SLC9A9: variants seen among roughly 807,000 people sequenced by gnomAD.
SLC9A9 encodes the protein solute carrier family 9 member A9, also known as sodium/hydrogen exchanger 9.
SLC9A9 carries 62 observed loss-of-function variants against 77.8 expected under a neutral mutation model. That is an observed-to-expected ratio of 0.80 (90% CI 0.65 to 0.98). The LOEUF (loss-of-function observed/expected upper bound fraction) is 0.98, where lower values mean the gene tolerates loss of function less well. SLC9A9 is among the 50% of genes least tolerant of loss of function. The probability of loss-of-function intolerance (pLI) is 0.00; values close to 1 mark genes in which losing one functional copy is unlikely to be tolerated. For missense variants in SLC9A9, 775 were observed against 774.9 expected (o/e 1.00, Z 0.00); for synonymous variants, 320 against 283.5 (o/e 1.13, Z -1.29).
At chr3:143,676,660 C>T (rs1367665824) in intron 5 of SLC9A9, among the ~76,000 whole-genome samples, 1 of 152,048 alleles carries the variant, frequency 6.6e-6, no homozygotes, top group Non-Finnish European at 1.5e-5. Context: ...TCGCTTGAAC[C>T]CAGGAGGCGG....
chr3:143,838,886 T>C (rs552667870), intron 1 of SLC9A9, among the ~76,000 whole-genome samples: 1 of 152,336 alleles, frequency 6.6e-6, no homozygotes, highest in Non-Finnish European at 1.5e-5. Context: ...AAAGATCAGA[T>C]TTTAACTGCA....
chr3:143,845,565 A>G (rs1185254629), intron 1 of SLC9A9, among the ~76,000 whole-genome samples: 1 of 152,196 alleles, frequency 6.6e-6, no homozygotes, highest in African/African-American at 2.4e-5. Context: ...AGACATGCAG[A>G]TGAGTGAAAG....
chr3:143,393,690 T>C (rs1349788920), intron 12 of SLC9A9, among the ~76,000 whole-genome samples: 1 of 151,314 alleles, frequency 6.6e-6, no homozygotes, highest in East Asian at 1.9e-4. Context: ...TCAACAAAAT[T>C]GATAGACCGC....
At chr3:143,455,016 C>G (rs991591330) in intron 12 of SLC9A9, among the ~76,000 whole-genome samples, 6 of 152,178 alleles carry the variant, frequency 3.9e-5, no homozygotes, top group Non-Finnish European at 8.8e-5. Context: ...ATTTCAAAGT[C>G]TACTGTGTCA....
intron 8 of SLC9A9, among the ~76,000 whole-genome samples, chr3:143,560,807 A>G (rs1461710312): frequency 6.6e-6 from 1 of 152,178 alleles, no homozygotes; most frequent in Admixed American, 6.6e-5. Flanking sequence ...CCACAATGTT[A>G]TAAGACTGAA....
At chr3:143,401,174 G>A (rs1379759184) in intron 12 of SLC9A9, among the ~76,000 whole-genome samples, 2 of 152,138 alleles carry the variant, frequency 1.3e-5, no homozygotes, top group African/African-American at 2.4e-5. Context: ...AGAGAGGAGA[G>A]TGAGACAGGG....
At position 143,585,240 on chromosome 3, in the gene SLC9A9, G is replaced by A. The variant is rs114751313; in HGVS notation, c.756-6517C>T. The stretch of plus-strand genomic sequence containing the variant: ...CTCAGGAGGTGAAAGGAAATTCCTT[G>A]TGGACAAAGGACAGACAGAACTCAA... On this transcript the variant is annotated intron_variant, in intron 6 of 15. Transcript: ENST00000316549. Among the ~76,000 whole-genome samples, 976 of 152,300 alleles carry A rather than the reference G, an allele frequency of 6.4e-3. 5 individuals are homozygous for A. The highest frequency in any genetic ancestry group is 0.023 in the African/African-American group (951 of 41,570).
chr3:143,380,950 A>T (rs1439441091), intron 13 of SLC9A9, among the ~76,000 whole-genome samples: 1 of 152,222 alleles, frequency 6.6e-6, no homozygotes, highest in Non-Finnish European at 1.5e-5. Context: ...CTCATAACAC[A>T]ATTCATTAAG....
At chr3:143,464,953 T>G (rs2108567569) in intron 12 of SLC9A9, among the ~76,000 whole-genome samples, 1 of 152,332 alleles carries the variant, frequency 6.6e-6, no homozygotes, top group South Asian at 2.1e-4. Context: ...TCTCTTTGGG[T>G]TTCTGCCCTG....
At chr3:143,777,163 G>A (rs927457642) in intron 4 of SLC9A9, among the ~76,000 whole-genome samples, 8 of 152,042 alleles carry the variant, frequency 5.3e-5, no homozygotes, top group South Asian at 4.1e-4. Flanking sequence ...ATGAAACCCC[G>A]TTTTACTGGG....
intron 5 of SLC9A9, chr3:143,655,468 A>G (rs2038873131): frequency 1.0e-6 from 1 of 985,268 alleles, no homozygotes; most frequent in East Asian, 1.1e-4. Flanking sequence ...TTATCAGACA[A>G]TTTGGTCATT....
intron 6 of SLC9A9, among the ~76,000 whole-genome samples, chr3:143,639,181 C>T (rs765149632): frequency 1.3e-5 from 2 of 152,196 alleles, no homozygotes; most frequent in Non-Finnish European, 2.9e-5. Context: ...TACCCTCCAC[C>T]CCCTGAAGTG....
At chr3:143,685,505 T>C (rs542206584) in intron 5 of SLC9A9, among the ~76,000 whole-genome samples, 1 of 152,308 alleles carries the variant, frequency 6.6e-6, no homozygotes, top group East Asian at 1.9e-4. Flanking sequence ...TTAATACTTC[T>C]GGAGCTCAAA....
chr3:143,738,515 T>A (rs922558073), intron 4 of SLC9A9, among the ~76,000 whole-genome samples: 1 of 152,212 alleles, frequency 6.6e-6, no homozygotes, highest in Non-Finnish European at 1.5e-5. Context: ...ATAATATTAT[T>A]CCTGGGCTGT....
intron 12 of SLC9A9, among the ~76,000 whole-genome samples, chr3:143,409,031 A>G (rs1307839327): frequency 6.6e-6 from 1 of 152,238 alleles, no homozygotes; most frequent in Non-Finnish European, 1.5e-5. Context: ...TTCTGGGATC[A>G]GAAATACCAG....
chr3:143,566,498 T>C (rs1302601774), intron 8 of SLC9A9, among the ~76,000 whole-genome samples: 1 of 152,178 alleles, frequency 6.6e-6, no homozygotes, highest in African/African-American at 2.4e-5. Flanking sequence ...ATTTACTCTC[T>C]AGAATCAGAT....
intron 1 of SLC9A9, among the ~76,000 whole-genome samples, chr3:143,840,953 T>C (rs780606119): frequency 2.0e-5 from 3 of 152,192 alleles, no homozygotes; most frequent in Non-Finnish European, 4.4e-5. Flanking sequence ...ATGCATATAG[T>C]TACATATCTC....
chr3:143,670,931 T>A (rs1560023696), intron 5 of SLC9A9, among the ~76,000 whole-genome samples: 1 of 152,332 alleles, frequency 6.6e-6, no homozygotes, highest in East Asian at 1.9e-4. Context: ...GGATTTCATT[T>A]TCTTCCAAAG....
At chr3:143,729,523 T>C (rs971350818) in intron 4 of SLC9A9, among the ~76,000 whole-genome samples, 4 of 152,186 alleles carry the variant, frequency 2.6e-5, no homozygotes, top group African/African-American at 9.7e-5. Flanking sequence ...TAGCAGGGAC[T>C]GTGCCTTGTC....
Sources: allele counts gnomAD v4.1 joint callset (sites outside exome capture counted in the v4.1 genomes callset), GRCh38; gene constraint gnomAD v4.1.1; transcripts MANE v1.5; gene names NCBI Gene and HGNC (gene_info 2026-07-23, HGNC 2026-07-21).